CDH7: variants seen among roughly 807,000 people sequenced by gnomAD.
The protein encoded by CDH7 is cadherin 7.
In CDH7, 25 loss-of-function variants were observed where a neutral mutation model predicts 71.8. That is an observed-to-expected ratio of 0.35 (90% CI 0.25 to 0.49). The LOEUF is 0.49. Among genes scored for constraint, CDH7 ranks in the 20% least tolerant of loss-of-function variants. CDH7 has a pLI of 0.99. For synonymous variants in CDH7, 381 were observed against 363.8 expected (o/e 1.05, Z -0.54); for missense variants, 862 against 974.6 (o/e 0.88, Z 1.54).
chr18:65,795,199 G>C (rs1046047347), intron 2 of CDH7, among the ~76,000 whole-genome samples: 9 of 152,050 alleles, frequency 5.9e-5, no homozygotes, highest in Non-Finnish European at 8.8e-5. Context: ...TCATAACAAT[G>C]ATTACTAATT....
At chr18:65,816,708 G>A (rs769657578) in intron 4 of CDH7, among the ~76,000 whole-genome samples, 18 of 152,114 alleles carry the variant, frequency 1.2e-4, no homozygotes, top group East Asian at 3.9e-4. Context: ...TATTTTCTGC[G>A]TCAATTTCTC....
At chr18:65,863,162 C>G (rs529312241) in intron 11 of CDH7, 3 of 537,110 alleles carry the variant, frequency 5.6e-6, no homozygotes, top group African/African-American at 1.9e-5. Flanking sequence ...CTCAGCCTCC[C>G]GAGTAGCTGG....
At chr18:65,776,736 A>T (rs150010882) in intron 2 of CDH7, among the ~76,000 whole-genome samples, 1,620 of 152,270 alleles carry the variant, frequency 0.011, 30 homozygotes, top group African/African-American at 0.037. Context: ...TACCAATCCT[A>T]TACTTCATAA....
chr18:65,789,471 G>T (rs1483463774), intron 2 of CDH7, among the ~76,000 whole-genome samples: 1 of 115,076 alleles, frequency 8.7e-6, no homozygotes, highest in African/African-American at 5.5e-5. Context: ...CTATTTTTTT[G>T]TTTGTTTTTT....
chr18:65,751,488 A>T (rs1038249752), intron 1 of CDH7, among the ~76,000 whole-genome samples: 23 of 152,114 alleles, frequency 1.5e-4, no homozygotes, highest in African/African-American at 5.5e-4. Context: ...CACTCTCCTC[A>T]AAGAGGACCA....
intron 3 of CDH7, among the ~76,000 whole-genome samples, chr18:65,812,265 A>T (rs961180221): frequency 2.0e-5 from 3 of 151,870 alleles, no homozygotes; most frequent in Admixed American, 2.0e-4. Context: ...GGCCCATATC[A>T]CAGTGCTTCA....
rs1384901190 is a variant in CDH7 at position 65,888,902 on chromosome 18, AACTC to A, written c.*8009_*8012del. ...TTTAAGAGGATAAGAAGATAGCTGA[AACTC>A]TAATAATTGGACTTTCCAATCTTAA... is the stretch of plus-strand genomic sequence containing the variant. On this transcript the variant is annotated 3_prime_UTR_variant, in exon 12 of 12. Transcript: ENST00000397968. 1 of 152,194 alleles carries A rather than the reference AACTC, an allele frequency of 6.6e-6. No homozygotes were observed. Among genetic ancestry groups the A allele is most frequent in the African/African-American group, 2.4e-5 (1 of 41,462 alleles). 9.4% of individuals were successfully genotyped at this position (152,194 alleles called of 1,614,324 possible).
At chr18:65,800,900 TC>T in intron 2 of CDH7, among the ~76,000 whole-genome samples, 1 of 152,286 alleles carries the variant, frequency 6.6e-6, no homozygotes, top group Admixed American at 6.5e-5. Flanking sequence ...TTCCTCCCCT[TC>T]ATTGTGAAAC....
intron 2 of CDH7, chr18:65,803,625 A>G (rs956042555): frequency 6.6e-6 from 1 of 152,120 alleles, no homozygotes; most frequent in African/African-American, 2.4e-5. Flanking sequence ...GATAATTGCA[A>G]TATATACAGT....
At chr18:65,757,875 AT>A (rs1261200022) in intron 1 of CDH7, among the ~76,000 whole-genome samples, 1 of 151,882 alleles carries the variant, frequency 6.6e-6, no homozygotes, top group Non-Finnish European at 1.5e-5. Context: ...CAGAGTACTC[AT>A]TTTTTTCTGA....
chr18:65,833,011 G>A (rs1164629545), intron 6 of CDH7, among the ~76,000 whole-genome samples: 2 of 152,102 alleles, frequency 1.3e-5, no homozygotes, highest in African/African-American at 4.8e-5. Flanking sequence ...TTTATTTGGT[G>A]GTCCACTTTG....
chr18:65,865,436 C>T (rs1359165420), intron 11 of CDH7: 1 of 152,074 alleles, frequency 6.6e-6, no homozygotes, highest in Non-Finnish European at 1.5e-5. Context: ...ATCTCTTCCA[C>T]TTCTAAGGAT....
At chr18:65,783,184 G>A (rs925390513) in intron 2 of CDH7, among the ~76,000 whole-genome samples, 1 of 152,132 alleles carries the variant, frequency 6.6e-6, no homozygotes, top group African/African-American at 2.4e-5. Flanking sequence ...TATCTATTCA[G>A]GAAAGAGTAA....
In CDH7 at chr18:65,885,372, G is replaced by GTTTTTTTTCTTTTTTTTTTTTTTCTT. The variant is rs1555692661; in HGVS notation, c.*4486_*4487insCTTTTTTTTTTTTTTCTTTTTTTTTT. 1.4e-5 allele frequency: 1 copy of GTTTTTTTTCTTTTTTTTTTTTTTCTT among 69,436 alleles called. No homozygotes were observed. The highest frequency in any genetic ancestry group is 2.7e-5 in the Non-Finnish European group (1 of 37,390). 4.3% of individuals were successfully genotyped at this position (69,436 alleles called of 1,614,324 possible). On this transcript the variant is annotated 3_prime_UTR_variant, in exon 12 of 12. Transcript: ENST00000397968. ...GTAACTGAAAAGGATGTGTGCCTGT[G>GTTTTTTTTCTTTTTTTTTTTTTTCTT]TTTTTTTTTTTTTTTTTTTTTTTGA...
chr18:65,825,756 G>A (rs1256007501), intron 6 of CDH7, among the ~76,000 whole-genome samples: 2 of 151,828 alleles, frequency 1.3e-5, no homozygotes, highest in Non-Finnish European at 3.0e-5. Flanking sequence ...TCAGGCCAAT[G>A]AGAAAAACAT....
chr18:65,809,947 A>C lies in CDH7; in HGVS notation c.454A>C (p.Lys152Gln). Residue 152 changes from lysine to glutamine, a missense_variant, in exon 3 of 12, where the codon AAA becomes CAA. By Grantham distance (53) the Lys-to-Gln change is moderately conservative (BLOSUM62 1). Transcript: ENST00000397968. Reference sequence around the variant, plus strand: ...TCAGGATATCAACGACAATGAACCCAAATTTTTGGATGGCCCATACACGGC... The same window carrying C: ...TCAGGATATCAACGACAATGAACCCCAATTTTTGGATGGCCCATACACGGC... The part of the protein sequence containing the change: ...KIQDINDNEP[K>Q]FLDGPYTAGV... 1 of 1,614,028 alleles carries C rather than the reference A, an allele frequency of 6.2e-7. No homozygotes were observed. The highest frequency in any genetic ancestry group is 1.1e-5 in the South Asian group (1 of 91,068).
rs1914396617 is a variant in CDH7 at position 65,887,314 on chromosome 18, G to A, written c.*6420G>A. On this transcript the variant is annotated 3_prime_UTR_variant, in exon 12 of 12. Coordinates refer to ENST00000397968, the MANE Select transcript of CDH7 (RefSeq NM_004361.5). The stretch of plus-strand genomic sequence containing the variant: ...AAGTTTTAGGGTACATGTGCACAAT[G>A]TGCAGGTTAGTTACATATGTATACA... 1 of 151,884 alleles carries A rather than the reference G, an allele frequency of 6.6e-6. No individual in the cohort carries two copies. The highest frequency in any genetic ancestry group is 1.5e-5 in the Non-Finnish European group (1 of 67,996). The allele number at this position is 151,884 out of a possible 1,614,324, so 9.4% of individuals were successfully genotyped here. A position where few individuals can be genotyped will look rare whatever the true frequency, so the allele number is the denominator to read the frequency against.
chr18:65,763,445 A>G (rs12956738), intron 2 of CDH7, among the ~76,000 whole-genome samples: 48,434 of 151,940 alleles, frequency 0.32, 7,891 homozygotes, highest in Middle Eastern at 0.46. Context: ...GGGTATTATT[A>G]AAATGATGTC....
rs1350783036 is a variant in CDH7, at chr18:65,887,591, A to ATG, written c.*6707_*6708dup. 5.3e-5 allele frequency: 8 copies of ATG among 152,056 alleles called. No individual in the cohort carries two copies. The highest frequency in any genetic ancestry group is 4.8e-5 in the African/African-American group (2 of 41,402). 9.4% of individuals were successfully genotyped at this position (152,056 alleles called of 1,614,324 possible). A position where few individuals can be genotyped will look rare whatever the true frequency, so the allele number is the denominator to read the frequency against. On this transcript the variant is annotated 3_prime_UTR_variant, in exon 12 of 12. Coordinates refer to ENST00000397968, the MANE Select transcript of CDH7 (RefSeq NM_004361.5). ...ATTTGTCTTTGAATTTTGTGTGCGT[A>ATG]TGTGTGTGTGTATATATAGACAGCA...
Sources: allele counts gnomAD v4.1 joint callset (sites outside exome capture counted in the v4.1 genomes callset), GRCh38; gene constraint gnomAD v4.1.1; transcripts MANE v1.5; gene names NCBI Gene and HGNC (gene_info 2026-07-23, HGNC 2026-07-21).